The following PCBP3 variants were observed in gnomAD, a reference collection of about 807,000 sequenced individuals.
PCBP3 encodes the protein poly(rC) binding protein 3, also known as poly(rC)-binding protein 3.
In PCBP3, 25 loss-of-function variants were observed where a neutral mutation model predicts 52.7. The ratio of observed to expected loss-of-function variants is 0.47; its 90% CI spans 0.35 to 0.66. The LOEUF is 0.66. Among genes scored for constraint, PCBP3 ranks in the 30% least tolerant of loss-of-function variants. The pLI is 0.01. For missense variants in PCBP3, 391 were observed against 490.3 expected, an observed-to-expected ratio of 0.80 and a Z score of 1.91; for synonymous variants, 162 against 183.0, an observed-to-expected ratio of 0.89 and a Z score of 0.93.
chr21:45,771,336 A>G (rs1316566551), intron 4 of PCBP3, among the ~76,000 whole-genome samples: 2 of 152,242 alleles, frequency 1.3e-5, no homozygotes, highest in Non-Finnish European at 2.9e-5. Context: ...TGTCTCAAGC[A>G]CATGGTGGGC....
intron 4 of PCBP3, among the ~76,000 whole-genome samples, chr21:45,787,504 G>A (rs112703029): frequency 3.5e-4 from 53 of 151,946 alleles, no homozygotes; most frequent in Non-Finnish European, 6.0e-4. Context: ...TGATCCTTCC[G>A]CCCTGGCCCC....
chr21:45,843,754 T>C (rs2093746957), intron 4 of PCBP3, among the ~76,000 whole-genome samples: 1 of 152,220 alleles, frequency 6.6e-6, no homozygotes, highest in African/African-American at 2.4e-5. Context: ...TTTTCAACAT[T>C]TGTTGAAACC....
chr21:45,782,859 G>T (rs1372222395), intron 4 of PCBP3, among the ~76,000 whole-genome samples: 2 of 152,216 alleles, frequency 1.3e-5, no homozygotes, highest in African/African-American at 4.8e-5. Context: ...GCACAATCTC[G>T]TGGTGGGCAC....
chr21:45,884,582 A>G (rs976477104), intron 5 of PCBP3, among the ~76,000 whole-genome samples: 4 of 152,152 alleles, frequency 2.6e-5, no homozygotes, highest in African/African-American at 9.7e-5. Flanking sequence ...AATGTTTGAG[A>G]CAGGATCTTG....
intron 2 of PCBP3, among the ~76,000 whole-genome samples, chr21:45,699,587 G>A (rs2082984177): frequency 6.6e-6 from 1 of 152,316 alleles, no homozygotes; most frequent in Admixed American, 6.5e-5. Context: ...AAACATGCCT[G>A]AGAATGGACA....
intron 1 of PCBP3, among the ~76,000 whole-genome samples, chr21:45,664,726 A>G (rs1280366736): frequency 6.7e-6 from 1 of 149,374 alleles, no homozygotes; most frequent in African/African-American, 2.5e-5. Flanking sequence ...CTAACTCGTC[A>G]TCTAGCATTA....
intron 13 of PCBP3, among the ~76,000 whole-genome samples, chr21:45,919,836 TGCGC>T (rs201942074): frequency 1.2e-3 from 62 of 53,714 alleles, no homozygotes; most frequent in African/African-American, 2.5e-3. Flanking sequence ...TGTGTGTGTG[TGCGC>T]GCGCGCGTGC....
intron 4 of PCBP3, among the ~76,000 whole-genome samples, chr21:45,771,654 G>A (rs1555928255): frequency 6.6e-6 from 1 of 152,172 alleles, no homozygotes; most frequent in Non-Finnish European, 1.5e-5. Context: ...AGCTAACCTC[G>A]TATTTGATGG....
chr21:45,758,417 A>G (rs1359641139), intron 4 of PCBP3, among the ~76,000 whole-genome samples: 1 of 152,220 alleles, frequency 6.6e-6, no homozygotes, highest in Non-Finnish European at 1.5e-5. Flanking sequence ...CATGACAACA[A>G]TATGAAGTCT....
chr21:45,914,166 A>G (rs2096459911), intron 12 of PCBP3, 141 bp downstream of exon 12: 1 of 1,426,894 alleles, frequency 7.0e-7, no homozygotes, highest in Non-Finnish European at 9.5e-7. Context: ...GAGCTCTTCC[A>G]CCTACACCCA....
At chr21:45,938,421 C>T (rs1210137157) in intron 16 of PCBP3, among the ~76,000 whole-genome samples, 1 of 152,216 alleles carries the variant, frequency 6.6e-6, no homozygotes, top group Non-Finnish European at 1.5e-5. Flanking sequence ...TCCCCCTCCC[C>T]ATGCGGGCCG....
At chr21:45,819,830 G>A (rs553795704) in intron 4 of PCBP3, among the ~76,000 whole-genome samples, 19 of 152,404 alleles carry the variant, frequency 1.2e-4, no homozygotes, top group Admixed American at 1.0e-3. Context: ...GCCTCTGCCA[G>A]ATGGACTCGG....
intron 2 of PCBP3, among the ~76,000 whole-genome samples, chr21:45,675,594 T>G (rs915570915): frequency 6.6e-6 from 1 of 152,206 alleles, no homozygotes; most frequent in Admixed American, 6.5e-5. Context: ...GCAGTGCCAG[T>G]GAAAGCAGAG....
intron 2 of PCBP3, among the ~76,000 whole-genome samples, chr21:45,678,604 G>C (rs1252722337): frequency 8.6e-5 from 13 of 151,872 alleles, no homozygotes; most frequent in Non-Finnish European, 1.3e-4. Context: ...AGAATTAGAA[G>C]TGGAGCCTGA....
At position 45,791,428 on chromosome 21, in the gene PCBP3, G is replaced by A. The variant is rs76875849; in HGVS notation, c.-126+35976G>A. ...GTGTGCAGCTCCAGAGTCTAGGCAC[G>A]GAATTGACAGAGAGTGAGACTTTAA... On this transcript the variant is annotated intron_variant, in intron 4 of 17. Transcript: ENST00000681687. This position sits in a 1 kb window ranked among gnomAD's most constrained non-coding sequence, Gnocchi z 4.2. Among the ~76,000 whole-genome samples the A allele has an allele frequency of 6.1e-3, 925 of 151,152 alleles. 5 individuals are homozygous for A. The highest frequency in any genetic ancestry group is 8.9e-3 in the Non-Finnish European group (607 of 67,830).
intron 9 of PCBP3, among the ~76,000 whole-genome samples, chr21:45,901,992 T>C (rs1170067241): frequency 3.3e-5 from 5 of 151,920 alleles, no homozygotes; most frequent in Non-Finnish European, 5.9e-5. Flanking sequence ...CTGGCCATGG[T>C]GGGGGTCGGC....
chr21:45,906,344 G>A (rs2843976), intron 9 of PCBP3, among the ~76,000 whole-genome samples: 2 of 151,968 alleles, frequency 1.3e-5, no homozygotes, highest in Non-Finnish European at 2.9e-5. Flanking sequence ...GTACTGGCAG[G>A]ACAGGCGTGT....
chr21:45,907,853 G>A (rs970902895), intron 9 of PCBP3, among the ~76,000 whole-genome samples: 2 of 151,668 alleles, frequency 1.3e-5, no homozygotes, highest in Non-Finnish European at 2.9e-5. Context: ...AGGGAAGGAC[G>A]GGGCGGGGGG....
At chr21:45,694,196 AC>A (rs2082638867) in intron 2 of PCBP3, among the ~76,000 whole-genome samples, 1 of 152,158 alleles carries the variant, frequency 6.6e-6, no homozygotes, top group African/African-American at 2.4e-5. Flanking sequence ...AAAAACAACA[AC>A]CAACCAAATA....
Sources: gnomAD v4.1 joint callset for allele counts (sites outside exome capture counted in the v4.1 genomes callset) on GRCh38, gnomAD v4.1.1 for gene constraint, Gnocchi (gnomAD v3.1) non-coding constraint, MANE v1.5 for transcripts, NCBI Gene and HGNC (gene_info 2026-07-23, HGNC 2026-07-21) for gene names.